ENAH: variants seen among roughly 807,000 people sequenced by gnomAD.
The protein encoded by ENAH is protein enabled homolog.
A neutral mutation model predicts 78.7 loss-of-function variants in ENAH; 23 were observed. The ratio of observed to expected loss-of-function variants is 0.29; its 90% CI spans 0.21 to 0.41. The LOEUF is 0.41. ENAH is among the 10% of genes least tolerant of loss of function. The pLI, the probability that ENAH is intolerant of heterozygous loss-of-function variation, is 1.00. For synonymous variants in ENAH, 226 were observed against 241.0 expected (o/e 0.94, Z 0.58); for missense variants, 544 against 691.0 (o/e 0.79, Z 2.39).
At position 225,536,447 on chromosome 1, in the gene ENAH, T is replaced by C. The variant is rs1339359999; in HGVS notation, c.350-5809A>G. Among the ~76,000 whole-genome samples the C allele has an allele frequency of 2.0e-5, 3 of 152,092 alleles. No individual in the cohort carries two copies. In the East Asian group the frequency reaches 5.8e-4, roughly 29 times the overall value. ...CCAAAACTTTACATCAATAATTTTC[T>C]GTAAAATCCTGAAGAAATTATTTTC... On this transcript the variant is annotated intron_variant, in intron 3 of 13. Coordinates refer to ENST00000366843, the MANE Select transcript of ENAH (RefSeq NM_018212.6).
chr1:225,567,299 T>C lies in ENAH; in HGVS notation c.121A>G (p.Thr41Ala), dbSNP rs2096739733. The C allele has an allele frequency of 6.8e-6, 11 of 1,614,154 alleles. No individual in the cohort carries two copies. The East Asian group carries it at 2.5e-4, about 36-fold the overall frequency. ...ACCACTCTGAATGTGTTGTTGCCTG[T>C]ATGGTGATAGATATGAACTCTGCTG... ...GFSRVHIYHH[T>A]GNNTFRVVGR... Residue 41 changes from threonine to alanine, a missense_variant, in exon 2 of 14, where the codon ACA becomes GCA. Around this residue, in one of 4 missense-constraint regions of ENAH, gnomAD observed 77 missense variants for 151.8 expected, o/e 0.51. Coordinates refer to ENST00000366843, the MANE Select transcript of ENAH (RefSeq NM_018212.6).
At chr1:225,537,697 T>C (rs930061542) in intron 3 of ENAH, among the ~76,000 whole-genome samples, 2 of 150,074 alleles carry the variant, frequency 1.3e-5, no homozygotes, top group South Asian at 4.2e-4. Flanking sequence ...TGAAAGGACA[T>C]TTCTCTTTAA....
At chr1:225,571,727 A>G (rs1428157233) in intron 1 of ENAH, among the ~76,000 whole-genome samples, 1 of 152,200 alleles carries the variant, frequency 6.6e-6, no homozygotes, top group Non-Finnish European at 1.5e-5. Context: ...ACAATGGCCA[A>G]TGATTTCATC....
rs148563587 is a variant in ENAH, at chr1:225,605,499, T to C, written c.6-38085A>G. 8.8e-3 allele frequency among the ~76,000 whole-genome samples: 1,338 copies of C among 152,326 alleles called. 18 individuals are homozygous for C. The highest frequency in any genetic ancestry group is 0.03 in the African/African-American group (1,259 of 41,570). On this transcript the variant is annotated intron_variant, in intron 1 of 13. Transcript: ENST00000366843. Reference sequence around the variant, plus strand: ...GCAAGGCTAGAGTTCAAACCAGGCCTACCTATCTGACTACAATGTCCGAGT... The same window carrying C: ...GCAAGGCTAGAGTTCAAACCAGGCCCACCTATCTGACTACAATGTCCGAGT...
chr1:225,532,614 CTATT>C (rs1267084589), intron 3 of ENAH, among the ~76,000 whole-genome samples: 2 of 151,994 alleles, frequency 1.3e-5, no homozygotes, highest in African/African-American at 4.8e-5. Flanking sequence ...CAACTCAATC[CTATT>C]TATTTTATTT....
rs550643553 is a variant in ENAH at position 225,611,889 on chromosome 1, G to A, written c.5+40797C>T. Reference sequence around the variant, plus strand: ...TGAAATCAAAAATCACACTCACTAGGATGGCTATCATAAAAAACAAAACAC... The same window carrying A: ...TGAAATCAAAAATCACACTCACTAGAATGGCTATCATAAAAAACAAAACAC... On this transcript the variant is annotated intron_variant, in intron 1 of 13. Coordinates refer to ENST00000366843, the MANE Select transcript of ENAH (RefSeq NM_018212.6). Among the ~76,000 whole-genome samples the A allele has an allele frequency of 5.9e-5, 9 of 152,200 alleles. No homozygotes were observed. In the South Asian group the frequency reaches 1.9e-3, roughly 32 times the overall value.
chr1:225,653,872 C>T (rs1361961035), upstream of ENAH, among the ~76,000 whole-genome samples: 1 of 152,196 alleles, frequency 6.6e-6, no homozygotes, highest in Non-Finnish European at 1.5e-5. The surrounding 1 kb of genome is among the most constrained non-coding windows in gnomAD (Gnocchi z 4.3). Context: ...CTTTTCTTCC[C>T]GAGGAATCCC....
At chr1:225,591,987 C>T (rs2096879428) in intron 1 of ENAH, among the ~76,000 whole-genome samples, 1 of 152,064 alleles carries the variant, frequency 6.6e-6, no homozygotes, top group Admixed American at 6.6e-5. Flanking sequence ...CCTCATTAAG[C>T]CTCTGTTCCC....
chr1:225,574,212 A>G (rs1041827562), intron 1 of ENAH, among the ~76,000 whole-genome samples: 2 of 152,190 alleles, frequency 1.3e-5, no homozygotes, highest in Non-Finnish European at 2.9e-5. Flanking sequence ...AGTAAACACA[A>G]TTGTGTTAGG....
chr1:225,647,295 G>A (rs1253714129), intron 1 of ENAH, among the ~76,000 whole-genome samples: 2 of 152,178 alleles, frequency 1.3e-5, no homozygotes, highest in African/African-American at 2.4e-5. Flanking sequence ...TAAACCAATA[G>A]AGATGCATAT....
chr1:225,528,234 C>T (rs2096519982), intron 4 of ENAH, among the ~76,000 whole-genome samples: 1 of 152,148 alleles, frequency 6.6e-6, no homozygotes. Flanking sequence ...AAATACAAAA[C>T]ACTGTGTGAT....
At chr1:225,652,369 C>T (rs184140090) in intron 1 of ENAH, 2 of 985,414 alleles carry the variant, frequency 2.0e-6, no homozygotes, top group East Asian at 1.1e-4. Flanking sequence ...CCCCATCTCC[C>T]GGGTTTCGCT....
At chr1:225,528,185 G>A (rs906054755) in intron 4 of ENAH, among the ~76,000 whole-genome samples, 1 of 152,102 alleles carries the variant, frequency 6.6e-6, no homozygotes, top group African/African-American at 2.4e-5. Context: ...TGTTCACTGT[G>A]GAGGTAATAC....
chr1:225,569,613 A>G (rs950946437), intron 1 of ENAH, among the ~76,000 whole-genome samples: 1 of 152,242 alleles, frequency 6.6e-6, no homozygotes, highest in Admixed American at 6.5e-5. Flanking sequence ...TAAAACAAGG[A>G]AAGTTAGCTT....
At chr1:225,617,500 T>C (rs1656004148) in intron 1 of ENAH, among the ~76,000 whole-genome samples, 2 of 152,314 alleles carry the variant, frequency 1.3e-5, no homozygotes, top group East Asian at 1.9e-4. Flanking sequence ...AAAGCACCCA[T>C]TGCAGGTTCT....
chr1:225,600,913 G>C (rs149698089), intron 1 of ENAH, among the ~76,000 whole-genome samples: 1 of 151,944 alleles, frequency 6.6e-6, no homozygotes, highest in African/African-American at 2.4e-5. Context: ...ATATTAATTG[G>C]TAAAGCTATA....
At position 225,495,456 on chromosome 1, in the gene ENAH, G is replaced by GTTTTTTTTTT. The variant is rs33964064; in HGVS notation, c.*2309_*2318dup. On this transcript the variant is annotated 3_prime_UTR_variant, in exon 14 of 14. Coordinates refer to ENST00000366843, the MANE Select transcript of ENAH (RefSeq NM_018212.6). ...GGAAATATAGCATGATTCAACACTGGTTTTTTTTTTTTTTTTTTTTTGTCA... is the reference window on the plus strand; with the variant it reads ...GGAAATATAGCATGATTCAACACTGGTTTTTTTTTTTTTTTTTTTTTTTTTTTTTTTGTCA... The GTTTTTTTTTT allele has an allele frequency of 3.6e-5, 4 of 110,760 alleles. No individual in the cohort carries two copies. The highest frequency in any genetic ancestry group is 2.8e-4 in the East Asian group (1 of 3,626). The allele number at this position is 110,760 out of a possible 1,614,324, so 6.9% of individuals were successfully genotyped here. A position where few individuals can be genotyped will look rare whatever the true frequency, so the allele number is the denominator to read the frequency against.
At chr1:225,511,407 G>A (rs2096376020) in intron 10 of ENAH, among the ~76,000 whole-genome samples, 1 of 152,128 alleles carries the variant, frequency 6.6e-6, no homozygotes, top group Non-Finnish European at 1.5e-5. Context: ...AAAATTTTAA[G>A]GAGACTTTTT....
chr1:225,528,687 C>T (rs1043121331), intron 4 of ENAH, among the ~76,000 whole-genome samples: 9 of 151,998 alleles, frequency 5.9e-5, no homozygotes, highest in African/African-American at 9.7e-5. Context: ...ATGAGATTTC[C>T]GGAAGACAGA....
Sources: gnomAD v4.1 joint callset for allele counts (sites outside exome capture counted in the v4.1 genomes callset) on GRCh38, gnomAD v4.1.1 for gene constraint, gnomAD v4.1.1 regional missense constraint, Gnocchi (gnomAD v3.1) non-coding constraint, MANE v1.5 for transcripts, NCBI Gene and HGNC (gene_info 2026-07-23, HGNC 2026-07-21) for gene names.